ZNF521: variants seen among roughly 807,000 people sequenced by gnomAD.
ZNF521 encodes the protein LYST-interacting protein 3.
Under a neutral mutation model 105.5 loss-of-function variants are expected in ZNF521, and 14 were observed. The ratio of observed to expected loss-of-function variants is 0.13; its 90% CI spans 0.09 to 0.21. The LOEUF (loss-of-function observed/expected upper bound fraction) is 0.21, where lower values mean the gene tolerates loss of function less well. Among genes scored for constraint, ZNF521 ranks in the 10% least tolerant of loss-of-function variants. ZNF521 has a pLI of 1.00. For synonymous variants in ZNF521, 635 were observed against 606.0 expected (o/e 1.05, Z -0.70); for missense variants, 1,233 against 1,629.7 (o/e 0.76, Z 4.19).
chr18:25,339,648 A>ATGCATTTGTTTGTGTGTC (rs1449527671), intron 2 of ZNF521, among the ~76,000 whole-genome samples: 1 of 152,206 alleles, frequency 6.6e-6, no homozygotes, highest in African/African-American at 2.4e-5. Context: ...GGCTGAATTA[A>ATGCATTTGTTTGTGTGTC]TGCATTTGTT....
At chr18:25,278,722 C>T (rs1440255318) in intron 3 of ZNF521, among the ~76,000 whole-genome samples, 1 of 141,472 alleles carries the variant, frequency 7.1e-6, no homozygotes, top group African/African-American at 2.8e-5. Context: ...CTTGCTGCTT[C>T]TAATTTTTCC....
chr18:25,062,779 AAAAAAAGAG>A (rs2032939190), intron 7 of ZNF521, 38 bp from the exon 8 acceptor site: 1 of 1,390,624 alleles, frequency 7.2e-7, no homozygotes, highest in East Asian at 2.4e-5. Flanking sequence ...AAAAAAAAAA[AAAAAAAGAG>A]AAGAGAGGGA....
chr18:25,295,769 G>T (rs1193089913), intron 3 of ZNF521, among the ~76,000 whole-genome samples: 2 of 152,158 alleles, frequency 1.3e-5, no homozygotes, highest in Admixed American at 1.3e-4. Flanking sequence ...GAATATACAT[G>T]TACATGTACC....
chr18:25,135,279 C>CGTGT (rs35980671), intron 5 of ZNF521, among the ~76,000 whole-genome samples: 6,342 of 146,144 alleles, frequency 0.043, 137 homozygotes, highest in African/African-American at 0.06. Context: ...TATATGTATA[C>CGTGT]GTGTGTGTGT....
intron 5 of ZNF521, among the ~76,000 whole-genome samples, chr18:25,106,027 T>C (rs1487861937): frequency 1.3e-5 from 2 of 152,174 alleles, no homozygotes; most frequent in Non-Finnish European, 1.5e-5. Context: ...GTTGTTGTTG[T>C]TGTTGTTTCT....
At position 25,104,552 on chromosome 18, in the gene ZNF521, G is replaced by T. The variant is rs566672342; in HGVS notation, c.3659-12471C>A. On this transcript the variant is annotated intron_variant, in intron 5 of 7. Coordinates refer to ENST00000361524, the MANE Select transcript of ZNF521 (RefSeq NM_015461.3). Reference sequence around the variant, plus strand: ...TCCAGGACAGAAAGTGACCTATAGGGATGACCTGGCCTCTTGCCCTTTTCT... The same window carrying T: ...TCCAGGACAGAAAGTGACCTATAGGTATGACCTGGCCTCTTGCCCTTTTCT... Among the ~76,000 whole-genome samples, 79 of 152,332 alleles carry T rather than the reference G, an allele frequency of 5.2e-4. No individual in the cohort carries two copies. The South Asian group carries it at 0.016, about 31-fold the overall frequency.
chr18:25,117,308 A>C (rs2034348253), intron 5 of ZNF521, among the ~76,000 whole-genome samples: 1 of 151,996 alleles, frequency 6.6e-6, no homozygotes, highest in African/African-American at 2.4e-5. Context: ...AGTTCAATAG[A>C]GGTACCTGTC....
Position 25,089,868 on chromosome 18 carries a change from T to C in ZNF521, c.3791-288A>G, listed in dbSNP as rs1394228196. 4.6e-5 allele frequency among the ~76,000 whole-genome samples: 7 copies of C among 152,190 alleles called. No homozygotes were observed. The South Asian group carries it at 1.4e-3, about 32-fold the overall frequency. ...AAAAATAAAGCCGAAAACTGTCAAA[T>C]GCATAGCTCTGTCTCAACAGAAATG... On this transcript the variant is annotated intron_variant, in intron 6 of 7. Transcript: ENST00000361524.
At chr18:25,310,345 AC>A (rs1251164912) in intron 3 of ZNF521, among the ~76,000 whole-genome samples, 1 of 152,098 alleles carries the variant, frequency 6.6e-6, no homozygotes, top group Non-Finnish European at 1.5e-5. Context: ...ATCCTTGTCT[AC>A]ATTTTTAATT....
intron 3 of ZNF521, among the ~76,000 whole-genome samples, chr18:25,240,915 C>CA: frequency 7.1e-6 from 1 of 141,066 alleles, no homozygotes; most frequent in East Asian, 2.1e-4. Context: ...GTTTTCTGCA[C>CA]TACTTTGTGT....
At chr18:25,271,206 A>G (rs1909634622) in intron 3 of ZNF521, among the ~76,000 whole-genome samples, 3 of 152,214 alleles carry the variant, frequency 2.0e-5, no homozygotes, top group Non-Finnish European at 4.4e-5. Context: ...TAGGAATACA[A>G]CTTACAAGGG....
intron 2 of ZNF521, among the ~76,000 whole-genome samples, chr18:25,328,699 C>T (rs1310392954): frequency 2.0e-5 from 3 of 151,810 alleles, no homozygotes; most frequent in Non-Finnish European, 4.4e-5. Context: ...ATTACAGGCA[C>T]GTGCCACCAT....
At chr18:25,329,560 G>A (rs554661075) in intron 2 of ZNF521, among the ~76,000 whole-genome samples, 17 of 152,288 alleles carry the variant, frequency 1.1e-4, no homozygotes, top group African/African-American at 3.6e-4. Context: ...ACAACATGAT[G>A]ACTTCAAAGA....
intron 4 of ZNF521, among the ~76,000 whole-genome samples, chr18:25,196,651 A>G (rs1345161451): frequency 6.6e-6 from 1 of 151,778 alleles, no homozygotes; most frequent in Non-Finnish European, 1.5e-5. Context: ...ATCTAAATCT[A>G]ACACGGACTT....
At chr18:25,270,213 A>ACTCTCCC (rs1909559157) in intron 3 of ZNF521, among the ~76,000 whole-genome samples, 1 of 149,806 alleles carries the variant, frequency 6.7e-6, no homozygotes, top group African/African-American at 2.4e-5. Flanking sequence ...GACACAAACT[A>ACTCTCCC]AAGACTAAAC....
intron 6 of ZNF521, among the ~76,000 whole-genome samples, chr18:25,091,316 T>C (rs1267787612): frequency 6.6e-6 from 1 of 152,166 alleles, no homozygotes; most frequent in East Asian, 1.9e-4. Flanking sequence ...GGGCTTCAAA[T>C]GAGAGTTTCA....
intron 3 of ZNF521, among the ~76,000 whole-genome samples, chr18:25,300,921 G>A (rs1004349793): frequency 4.6e-5 from 7 of 152,240 alleles, no homozygotes; most frequent in South Asian, 2.1e-4. Context: ...TTTCTCCCGA[G>A]CATTGCAAGT....
chr18:25,232,012 C>A (rs767588967), intron 3 of ZNF521, among the ~76,000 whole-genome samples: 1 of 152,168 alleles, frequency 6.6e-6, no homozygotes, highest in Non-Finnish European at 1.5e-5. Flanking sequence ...CAGCAGAGTA[C>A]CCTCTTAACT....
intron 3 of ZNF521, among the ~76,000 whole-genome samples, chr18:25,250,356 C>A (rs1404901845): frequency 1.3e-5 from 2 of 152,126 alleles, no homozygotes; most frequent in Non-Finnish European, 2.9e-5. Context: ...TTATCCAATA[C>A]CAGATACAAA....
Sources: allele counts gnomAD v4.1 joint callset (sites outside exome capture counted in the v4.1 genomes callset), GRCh38; gene constraint gnomAD v4.1.1; transcripts MANE v1.5; gene names NCBI Gene and HGNC (gene_info 2026-07-23, HGNC 2026-07-21).